Variants in VPS13D observed in about 807,000 individuals in gnomAD.
The protein encoded by VPS13D is intermembrane lipid transfer protein VPS13D.
VPS13D carries 187 observed loss-of-function variants against 461.9 expected under a neutral mutation model. The ratio of observed to expected loss-of-function variants is 0.40; its 90% CI spans 0.36 to 0.46. The LOEUF (loss-of-function observed/expected upper bound fraction) is 0.46, where lower values mean the gene tolerates loss of function less well. Among genes scored for constraint, VPS13D ranks in the 20% least tolerant of loss-of-function variants. The probability of loss-of-function intolerance (pLI) is 0.60; values close to 1 mark genes in which losing one functional copy is unlikely to be tolerated. For synonymous variants in VPS13D, 1,951 were observed against 1,986.3 expected (o/e 0.98, Z 0.47); for missense variants, 4,711 against 5,364.9 (o/e 0.88, Z 3.81).
At position 12,403,002 on chromosome 1, in the gene VPS13D, T is replaced by C. The variant is rs189765203; in HGVS notation, c.11882-823T>C. 1.5e-3 allele frequency among the ~76,000 whole-genome samples: 235 copies of C among 152,358 alleles called. 1 individual carries two copies. Among genetic ancestry groups the C allele is most frequent in the African/African-American group, 5.1e-3 (210 of 41,578 alleles). The stretch of plus-strand genomic sequence containing the variant: ...AAGTACCTGCCATCCTGTCTGTAGC[T>C]GTTTCTGCTTCCTCAGCATAAATGG... On this transcript the variant is annotated intron_variant, in intron 62 of 69. Transcript: ENST00000620676.
intron 45 of VPS13D, 46 bp from the exon 46 acceptor site, chr1:12,349,118 G>C (rs1352447657): frequency 6.2e-7 from 1 of 1,611,872 alleles, no homozygotes. Context: ...AATCTTTGGG[G>C]TGGAGGACCA....
At chr1:12,251,127 C>T (rs1010314202) in intron 6 of VPS13D, among the ~76,000 whole-genome samples, 1 of 148,996 alleles carries the variant, frequency 6.7e-6, no homozygotes, top group Non-Finnish European at 1.5e-5. Context: ...TAGTGTTGTC[C>T]ACGGTGGAGT....
rs1253464149 is a variant in VPS13D, at chr1:12,400,962, G to GCGCACACACACACA, written c.11784+633_11784+634insGCACACACACACAC. 7.0e-4 allele frequency among the ~76,000 whole-genome samples: 74 copies of GCGCACACACACACA among 106,290 alleles called. 1 individual carries two copies. The highest frequency in any genetic ancestry group is 2.1e-3 in the East Asian group (8 of 3,802). The allele number at this position is 106,290 out of a possible 152,430, so 69.7% of individuals were successfully genotyped here. ...GAGTGAGATGTGCACCTGCGCGCGCGCACACACACACACACACACACACAC... is the reference window on the plus strand; with the variant it reads ...GAGTGAGATGTGCACCTGCGCGCGCGCGCACACACACACACACACACACACACACACACACACAC... On this transcript the variant is annotated intron_variant, in intron 61 of 69. Transcript: ENST00000620676.
intron 55 of VPS13D, among the ~76,000 whole-genome samples, chr1:12,377,043 G>GT (rs990866173): frequency 6.6e-6 from 1 of 151,606 alleles, no homozygotes; most frequent in Non-Finnish European, 1.5e-5. Context: ...CAGTAAATGA[G>GT]TTTTTTTCTT....
intron 13 of VPS13D, among the ~76,000 whole-genome samples, chr1:12,265,374 A>G (rs1314663804): frequency 2.0e-5 from 3 of 152,124 alleles, no homozygotes; most frequent in African/African-American, 7.2e-5. Flanking sequence ...CCTGGCCTCA[A>G]ACGATCCTCC....
chr1:12,446,096 G>A (rs1156489299), intron 65 of VPS13D, among the ~76,000 whole-genome samples: 3 of 152,124 alleles, frequency 2.0e-5, no homozygotes, highest in Non-Finnish European at 4.4e-5. Flanking sequence ...TCTTAGATGG[G>A]TCAGGGGTAT....
intron 3 of VPS13D, among the ~76,000 whole-genome samples, chr1:12,243,909 C>T (rs1190875162): frequency 6.6e-6 from 1 of 152,124 alleles, no homozygotes; most frequent in Non-Finnish European, 1.5e-5. Context: ...TGTCCATGGG[C>T]TTGTGCGGGA....
In VPS13D at chr1:12,318,087, C is replaced by T. The variant is rs1642937158; in HGVS notation, c.7164C>T (p.Ser2388=). Residue 2388 remains serine (S), a synonymous_variant, in exon 31 of 70, where the codon TCC becomes TCT. Coordinates refer to ENST00000620676, the MANE Select transcript of VPS13D (RefSeq NM_015378.4). ...CTTTTTATAGATCTACCAAGGATTCCTCCTGCTTTACAGTAGTTCTCAACA... is the reference window on the plus strand; with the variant it reads ...CTTTTTATAGATCTACCAAGGATTCTTCCTGCTTTACAGTAGTTCTCAACA... ...IELHFRSTKD[S]SCFTVVLNNL... is the part of the protein sequence containing the mutation. 6.2e-7 allele frequency: 1 copy of T among 1,611,006 alleles called. No individual in the cohort carries two copies. Among genetic ancestry groups the T allele is most frequent in the Non-Finnish European group, 8.5e-7 (1 of 1,177,570 alleles).
rs1640407131 is a variant in VPS13D at position 12,242,398 on chromosome 1, G to A, written c.98-115G>A. 3.4e-6 allele frequency: 3 copies of A among 882,570 alleles called. No individual in the cohort carries two copies. In the African/African-American group the frequency reaches 5.1e-5, roughly 15 times the overall value. 54.7% of individuals were successfully genotyped at this position (882,570 alleles called of 1,614,324 possible). A position where few individuals can be genotyped will look rare whatever the true frequency, so the allele number is the denominator to read the frequency against. Reference sequence around the variant, plus strand: ...TAAAACTTTCCTTTAACCTTCACATGACGTAGCCTATTCTATATGTAAAAC... The same window carrying A: ...TAAAACTTTCCTTTAACCTTCACATAACGTAGCCTATTCTATATGTAAAAC... On this transcript the variant is annotated intron_variant, in intron 2 of 69. Transcript: ENST00000620676.
intron 24 of VPS13D, among the ~76,000 whole-genome samples, chr1:12,295,327 TAAA>T (rs1553175763): frequency 6.6e-6 from 1 of 151,866 alleles, no homozygotes; most frequent in African/African-American, 2.4e-5. Flanking sequence ...TTAATTTAAA[TAAA>T]AAATGTTTGA....
In VPS13D at chr1:12,273,102, G is replaced by T. The variant is rs1260560192; in HGVS notation, c.2203G>T (p.Asp735Tyr). The T allele has an allele frequency of 6.2e-7, 1 of 1,614,094 alleles. No individual in the cohort carries two copies. The highest frequency in any genetic ancestry group is 8.5e-7 in the Non-Finnish European group (1 of 1,179,994). ...KFKNPVLVVVDLGRMLLTNTQ... is the reference protein window; with the variant it reads ...KFKNPVLVVVYLGRMLLTNTQ... ...CAAGAATCCTGTGTTAGTTGTCGTGGATCTAGGAAGAATGCTTTTGACGAA... is the reference window on the plus strand; with the variant it reads ...CAAGAATCCTGTGTTAGTTGTCGTGTATCTAGGAAGAATGCTTTTGACGAA... Residue 735 changes from aspartate to tyrosine, a missense_variant, in exon 18 of 70, where the codon GAT (aspartate) becomes TAT (tyrosine). Asp to Tyr is a radical substitution (Grantham distance 160, BLOSUM62 -3). Around this residue, in one of 3 missense-constraint regions of VPS13D, gnomAD observed 4,411 missense variants for 4,937.8 expected, o/e 0.89. Coordinates refer to ENST00000620676, the MANE Select transcript of VPS13D (RefSeq NM_015378.4).
In VPS13D at chr1:12,275,606, C is replaced by T. The variant is rs534188418; in HGVS notation, c.2237-219C>T. Among the ~76,000 whole-genome samples the T allele has an allele frequency of 3.3e-5, 5 of 152,138 alleles. No individual in the cohort carries two copies. The South Asian group carries it at 6.2e-4, about 19-fold the overall frequency. ...ATGTCAGGGGGCCTCCAGCTTTTTTCGTGTCCATACTTTTTTATATTTGTG... is the reference window on the plus strand; with the variant it reads ...ATGTCAGGGGGCCTCCAGCTTTTTTTGTGTCCATACTTTTTTATATTTGTG... On this transcript the variant is annotated intron_variant, in intron 18 of 69. Transcript: ENST00000620676.
chr1:12,314,169 G>A lies in VPS13D; in HGVS notation c.6990G>A (p.Lys2330=). The A allele has an allele frequency of 6.2e-7, 1 of 1,614,164 alleles. No individual in the cohort carries two copies. Among genetic ancestry groups the A allele is most frequent in the Non-Finnish European group, 8.5e-7 (1 of 1,180,024 alleles). The change falls in exon 30 of 70, where the codon AAG becomes AAA. Residue 2330 remains lysine, a synonymous_variant. Coordinates refer to ENST00000620676, the MANE Select transcript of VPS13D (RefSeq NM_015378.4). The part of the protein sequence containing the change: ...LLYESFSNQT[K]SINLVSHSMM... The stretch of plus-strand genomic sequence containing the variant: ...ATGAAAGTTTTTCCAACCAAACCAA[G>A]TCCATTAACTTGGTTTCCCATTCCA...
At position 12,369,471 on chromosome 1, in the gene VPS13D, C is replaced by T. The variant is rs766008353; in HGVS notation, c.10577C>T (p.Pro3526Leu). 9.3e-6 allele frequency: 15 copies of T among 1,613,946 alleles called. No individual in the cohort carries two copies. Among genetic ancestry groups the T allele is most frequent in the African/African-American group, 1.3e-5 (1 of 74,890 alleles). Residue 3526 changes from proline to leucine, a missense_variant, in exon 54 of 70, where the codon CCG becomes CTG. Physicochemically the swap from Pro to Leu is moderately conservative, Grantham distance 98. This residue lies in a region of VPS13D where 4,411 missense variants were observed against 4,937.8 expected (regional missense o/e 0.89). Transcript: ENST00000620676. The stretch of plus-strand genomic sequence containing the variant: ...TCCTCTCTGCCATCACTCTAGGTCC[C>T]GGTTGTCTTTACTCAGCATGGCGTA... ...PFRIDNFSKV[P>L]VVFTQHGVAE...
chr1:12,451,633 AT>A (rs1645262893), intron 65 of VPS13D, among the ~76,000 whole-genome samples: 1 of 152,330 alleles, frequency 6.6e-6, no homozygotes, highest in African/African-American at 2.4e-5. Context: ...AGAGTTACAA[AT>A]TGTCTGCAGA....
chr1:12,257,794 C>T (rs967790699), intron 9 of VPS13D, 141 bp from the exon 10 acceptor site: 26 of 1,020,364 alleles, frequency 2.5e-5, no homozygotes, highest in African/African-American at 1.6e-4. Flanking sequence ...AATATTAAGA[C>T]GAACTTAATA....
chr1:12,432,315 C>T (rs1645002074), intron 65 of VPS13D, among the ~76,000 whole-genome samples: 1 of 151,822 alleles, frequency 6.6e-6, no homozygotes, highest in South Asian at 2.1e-4. Flanking sequence ...GTCGCTTGAA[C>T]CTGGGGAGGC....
intron 24 of VPS13D, among the ~76,000 whole-genome samples, chr1:12,298,038 GA>G (rs1642323254): frequency 6.6e-6 from 1 of 151,918 alleles, no homozygotes; most frequent in African/African-American, 2.4e-5. Flanking sequence ...GTGTGTACAG[GA>G]AAAAAAGACT....
chr1:12,377,774 C>A (rs891728407), intron 55 of VPS13D, among the ~76,000 whole-genome samples: 2 of 142,904 alleles, frequency 1.4e-5, no homozygotes, highest in African/African-American at 5.2e-5. Context: ...GAGCCGAGAT[C>A]GCACTATTTC....
Sources: gnomAD v4.1 joint callset for allele counts (sites outside exome capture counted in the v4.1 genomes callset) on GRCh38, gnomAD v4.1.1 for gene constraint, gnomAD v4.1.1 regional missense constraint, MANE v1.5 for transcripts, NCBI Gene and HGNC (gene_info 2026-07-23, HGNC 2026-07-21) for gene names.